DNAAF3: variants seen among roughly 807,000 people sequenced by gnomAD.
The protein encoded by DNAAF3 is UPF0470 protein C19orf51.
In DNAAF3, 40 loss-of-function variants were observed where a neutral mutation model predicts 50.9. The observed-to-expected ratio is 0.79, with a 90% CI of 0.61 to 1.02. DNAAF3 has a LOEUF of 1.02. Among genes scored for constraint, DNAAF3 ranks in the 50% least tolerant of loss-of-function variants. The probability of loss-of-function intolerance (pLI) is 0.00; values close to 1 mark genes in which losing one functional copy is unlikely to be tolerated. For synonymous variants in DNAAF3, 327 were observed against 322.8 expected, an observed-to-expected ratio of 1.01 and a Z score of -0.14; for missense variants, 763 against 744.7, an observed-to-expected ratio of 1.02 and a Z score of -0.29.
chr19:55,161,401 G>C lies in DNAAF3; in HGVS notation c.681C>G (p.Pro227=), dbSNP rs764852012. The C allele has an allele frequency of 7.7e-7, 1 of 1,295,812 alleles. No homozygotes were observed. The highest frequency in any genetic ancestry group is 4.2e-5 in the East Asian group (1 of 23,618). 80.3% of individuals were successfully genotyped at this position (1,295,812 alleles called of 1,614,324 possible). Residue 227 remains proline (P), a synonymous_variant, in exon 7 of 12, where the codon CCC becomes CCG. Coordinates refer to ENST00000524407, the MANE Select transcript of DNAAF3 (RefSeq NM_001256715.2). This position sits in a 1 kb window ranked among gnomAD's most constrained non-coding sequence, Gnocchi z 6.4. ...TGTCCCGCCAGCGTCGGAACTCCTG[G>C]GGGTGAATGACTTGAGCCTGGGGTG... is the stretch of plus-strand genomic sequence containing the variant. ...LHDRGAQVIH[P]QEFRRWRDTG... is the part of the protein sequence containing the mutation.
At chr19:55,162,354 AAT>A (rs1377616992) in intron 4 of DNAAF3, 64 bp from the exon 5 acceptor site, 6 of 1,240,406 alleles carry the variant, frequency 4.8e-6, no homozygotes, top group Non-Finnish European at 6.1e-6. Context: ...TTACACCCTT[AAT>A]ATGTTATTAT....
chr19:55,159,892 C>T lies in DNAAF3; in HGVS notation c.1163+7G>A, dbSNP rs529282961. ...GTCTTTGTGAGCACAGCTGCCTCCC[C>T]GCTTACCCACAGGCCACATAGAGGA... On this transcript the variant is annotated splice_region_variant and intron_variant, in intron 10 of 11. Coordinates refer to ENST00000524407, the MANE Select transcript of DNAAF3 (RefSeq NM_001256715.2). 29 of 1,613,234 alleles carry T rather than the reference C, an allele frequency of 1.8e-5. No individual in the cohort carries two copies. The highest frequency in any genetic ancestry group is 1.7e-4 in the Admixed American group (10 of 59,976).
In DNAAF3 at chr19:55,161,371, G is replaced by C. The variant is rs1450526465; in HGVS notation, c.711C>G (p.Gly237=). The part of the protein sequence containing the change: ...PQEFRRWRDT[G]VAFELRDSSA... Reference sequence around the variant, plus strand: ...TGGAGTCCCTGAGTTCAAAGGCGACGCCTGTGTCCCGCCAGCGTCGGAACT... The same window carrying C: ...TGGAGTCCCTGAGTTCAAAGGCGACCCCTGTGTCCCGCCAGCGTCGGAACT... Residue 237 remains glycine (G), a synonymous_variant, in exon 7 of 12, where the codon GGC becomes GGG. Coordinates refer to ENST00000524407, the MANE Select transcript of DNAAF3 (RefSeq NM_001256715.2). The surrounding 1 kb of genome is among the most constrained non-coding windows in gnomAD (Gnocchi z 6.4). 6.3e-7 allele frequency: 1 copy of C among 1,576,476 alleles called. No homozygotes were observed. The highest frequency in any genetic ancestry group is 8.6e-7 in the Non-Finnish European group (1 of 1,157,852).
In DNAAF3 at chr19:55,165,865, C is replaced by T; in HGVS notation, c.221G>A (p.Arg74Lys). 2 of 1,614,060 alleles carry T rather than the reference C, an allele frequency of 1.2e-6. No individual in the cohort carries two copies. The highest frequency in any genetic ancestry group is 1.7e-6 in the Non-Finnish European group (2 of 1,179,998). Residue 74 changes from arginine to lysine, a missense_variant, in exon 3 of 12, where the codon AGG (arginine) becomes AAG (lysine). Physicochemically the swap from Arg to Lys is conservative, Grantham distance 26 (BLOSUM62 2). Transcript: ENST00000524407. ...LSRAKFWPRR[R>K]FNFFVLENNL... ...ATCTTCATCCCAGCTCACGTTGAACCTCCTGCGAGGCCAGAACTTCGCTCG... is the reference window on the plus strand; with the variant it reads ...ATCTTCATCCCAGCTCACGTTGAACTTCCTGCGAGGCCAGAACTTCGCTCG...
At chr19:55,163,494 G>A (rs1195236948) in intron 4 of DNAAF3, among the ~76,000 whole-genome samples, 1 of 151,764 alleles carries the variant, frequency 6.6e-6, no homozygotes, top group Non-Finnish European at 1.5e-5. Flanking sequence ...GTCTCACTAT[G>A]TTGACCAGGC....
chr19:55,158,676 C>A lies in DNAAF3; in HGVS notation c.*386G>T, dbSNP rs1040886999. 2 of 181,220 alleles carry A rather than the reference C, an allele frequency of 1.1e-5. No individual in the cohort carries two copies. Among genetic ancestry groups the A allele is most frequent in the East Asian group, 1.4e-4 (1 of 7,036 alleles). The allele number at this position is 181,220 out of a possible 1,614,324, so 11.2% of individuals were successfully genotyped here. On this transcript the variant is annotated 3_prime_UTR_variant, in exon 12 of 12. Coordinates refer to ENST00000524407, the MANE Select transcript of DNAAF3 (RefSeq NM_001256715.2). The stretch of plus-strand genomic sequence containing the variant: ...TGGACACACAGAAGGGTGGACACAA[C>A]TTGCTTTACTTGAACCATCTGGGTG...
Position 55,159,247 on chromosome 19 carries a change from G to T in DNAAF3, c.1441C>A (p.Gln481Lys). 9 of 1,614,000 alleles carry T rather than the reference G, an allele frequency of 5.6e-6. No homozygotes were observed. Among genetic ancestry groups the T allele is most frequent in the Non-Finnish European group, 7.6e-6 (9 of 1,180,036 alleles). Residue 481 changes from glutamine (Q) to lysine (K), a missense_variant, in exon 12 of 12, where the codon CAG becomes AAG. Gln to Lys is a moderately conservative substitution (Grantham distance 53, BLOSUM62 1). Coordinates refer to ENST00000524407, the MANE Select transcript of DNAAF3 (RefSeq NM_001256715.2). ...GCTGGGTTGCTGGCTTCAAGAGGCT[G>T]GGCCAGGATGTCAAGGGGCGGAGTT... Reference protein sequence around the residue: ...PGTPPLDILAQPLEASNPALE... With the variant: ...PGTPPLDILAKPLEASNPALE...
Position 55,161,457 on chromosome 19 carries a change from C to T in DNAAF3, c.664-39G>A. On this transcript the variant is annotated intron_variant, in intron 6 of 11. Coordinates refer to ENST00000524407, the MANE Select transcript of DNAAF3 (RefSeq NM_001256715.2). This position sits in a 1 kb window ranked among gnomAD's most constrained non-coding sequence, Gnocchi z 6.4. Reference sequence around the variant, plus strand: ...CGGGAAGAAGGGAGCCCTCAGTGAACCGAGCGTGGAGAGACCCCTACACCA... The same window carrying T: ...CGGGAAGAAGGGAGCCCTCAGTGAATCGAGCGTGGAGAGACCCCTACACCA... The T allele has an allele frequency of 2.5e-6, 4 of 1,574,940 alleles. No individual in the cohort carries two copies. Among genetic ancestry groups the T allele is most frequent in the Non-Finnish European group, 3.4e-6 (4 of 1,160,916 alleles).
chr19:55,166,335 C>A lies in DNAAF3; in HGVS notation c.79G>T (p.Ala27Ser). The change falls in exon 2 of 12, where the codon GCT becomes TCT. Residue 27 changes from alanine (A) to serine (S), a missense_variant. Physicochemically the swap from Ala to Ser is moderately conservative, Grantham distance 99 (BLOSUM62 1). Coordinates refer to ENST00000524407, the MANE Select transcript of DNAAF3 (RefSeq NM_001256715.2). The surrounding 1 kb of genome is among the most constrained non-coding windows in gnomAD (Gnocchi z 4.0). The stretch of plus-strand genomic sequence containing the variant: ...CTTGCGTGCTGGGACTCACTTTCAG[C>A]CTGCAGGTCCAGCGCCGGGGACAGG... ...WGLSPALDLQAESPPVDPDSQ... is the reference protein window; with the variant it reads ...WGLSPALDLQSESPPVDPDSQ... The A allele has an allele frequency of 6.2e-7, 1 of 1,613,392 alleles. No individual in the cohort carries two copies. The highest frequency in any genetic ancestry group is 1.1e-5 in the South Asian group (1 of 91,056).
Position 55,158,982 on chromosome 19 carries a change from G to A in DNAAF3, c.*80C>T, listed in dbSNP as rs548048894. The stretch of plus-strand genomic sequence containing the variant: ...GAATAAAATTGAGGACTCTAGCAGC[G>A]GACTTAGAATGGTATCAGCGGGTTC... On this transcript the variant is annotated 3_prime_UTR_variant, in exon 12 of 12. Transcript: ENST00000524407. 11 of 1,463,534 alleles carry A rather than the reference G, an allele frequency of 7.5e-6. No individual in the cohort carries two copies. In the African/African-American group the frequency reaches 8.5e-5, roughly 11 times the overall value. 90.7% of individuals were successfully genotyped at this position (1,463,534 alleles called of 1,614,324 possible). A position where few individuals can be genotyped will look rare whatever the true frequency, so the allele number is the denominator to read the frequency against.
chr19:55,164,178 CAATT>C (rs1425984881), intron 4 of DNAAF3, among the ~76,000 whole-genome samples: 1 of 152,106 alleles, frequency 6.6e-6, no homozygotes, highest in African/African-American at 2.4e-5. Context: ...AACTGTGAGT[CAATT>C]AAACCTCTTT....
rs375778499 is a variant in DNAAF3 at position 55,159,102 on chromosome 19, G to T, written c.1586C>A (p.Ala529Asp). The T allele has an allele frequency of 1.9e-5, 31 of 1,610,662 alleles. No individual in the cohort carries two copies. The African/African-American group carries it at 3.1e-4, about 16-fold the overall frequency. ...EVLAQPQGALAPPNCESDSKT... is the reference protein window; with the variant it reads ...EVLAQPQGALDPPNCESDSKT... ...GGAGTCTGACTCACAGTTGGGCGGA[G>T]CCAAGGCCCCCTGAGGCTGAGCCAG... Residue 529 changes from alanine to aspartate, a missense_variant, in exon 12 of 12, where the codon GCT becomes GAT. Coordinates refer to ENST00000524407, the MANE Select transcript of DNAAF3 (RefSeq NM_001256715.2).
chr19:55,158,961 A>G lies in DNAAF3; in HGVS notation c.*101T>C. The G allele has an allele frequency of 7.3e-7, 1 of 1,364,620 alleles. No individual in the cohort carries two copies. Among genetic ancestry groups the G allele is most frequent in the Non-Finnish European group, 9.9e-7 (1 of 1,011,730 alleles). The allele number at this position is 1,364,620 out of a possible 1,614,324, so 84.5% of individuals were successfully genotyped here. ...GGTACTGAGTGGGAATGATTAGAAT[A>G]AAATTGAGGACTCTAGCAGCGGACT... On this transcript the variant is annotated 3_prime_UTR_variant, in exon 12 of 12. Transcript: ENST00000524407.
chr19:55,165,500 T>C, intron 3 of DNAAF3, 37 bp from the exon 4 acceptor site: 1 of 1,608,460 alleles, frequency 6.2e-7, no homozygotes, highest in Non-Finnish European at 8.5e-7. Flanking sequence ...TTCTGAGACC[T>C]GTTTGCCTGG....
At position 55,160,955 on chromosome 19, in the gene DNAAF3, C is replaced by T. The variant is rs978893528; in HGVS notation, c.912+110G>A. On this transcript the variant is annotated intron_variant, in intron 8 of 11. Transcript: ENST00000524407. This position sits in a 1 kb window ranked among gnomAD's most constrained non-coding sequence, Gnocchi z 4.7. ...TCTGAATGGAGTCGTTCCCACCAAG[C>T]GACGGGCGGGGTCTGGAGCTGGGGG... 16 of 1,453,178 alleles carry T rather than the reference C, an allele frequency of 1.1e-5. No homozygotes were observed. Among genetic ancestry groups the T allele is most frequent in the South Asian group, 1.4e-5 (1 of 71,818 alleles). The allele number at this position is 1,453,178 out of a possible 1,614,324, so 90.0% of individuals were successfully genotyped here. A position where few individuals can be genotyped will look rare whatever the true frequency, so the allele number is the denominator to read the frequency against.
At chr19:55,165,722 T>G in intron 3 of DNAAF3, 136 bp downstream of exon 3, 2 of 1,443,740 alleles carry the variant, frequency 1.4e-6, no homozygotes, top group Non-Finnish European at 1.9e-6. Context: ...GACGCATCGG[T>G]TCGCTCCCAG....
At chr19:55,164,755 C>T (rs555106237) in intron 4 of DNAAF3, among the ~76,000 whole-genome samples, 68 of 152,104 alleles carry the variant, frequency 4.5e-4, no homozygotes, top group Non-Finnish European at 1.0e-4. Context: ...GATCTCCTGA[C>T]CTCGTGATCT....
At chr19:55,162,397 C>A in intron 4 of DNAAF3, 107 bp from the exon 5 acceptor site, 1 of 1,169,748 alleles carries the variant, frequency 8.5e-7, no homozygotes, top group South Asian at 4.5e-5. Context: ...ACAATGAACC[C>A]CCGCAAACTC....
chr19:55,162,662 AT>A (rs1248320607), intron 4 of DNAAF3: 1 of 996,472 alleles, frequency 1.0e-6, no homozygotes, highest in African/African-American at 1.7e-5. Flanking sequence ...GACAGAGAAT[AT>A]TTGGGGGAAA....
Sources: allele counts gnomAD v4.1 joint callset (sites outside exome capture counted in the v4.1 genomes callset), GRCh38; gene constraint gnomAD v4.1.1; non-coding constraint Gnocchi (gnomAD v3.1); transcripts MANE v1.5; gene names NCBI Gene and HGNC (gene_info 2026-07-23, HGNC 2026-07-21).